The following ZNF385D variants were observed in gnomAD, a reference collection of about 807,000 sequenced individuals.
The protein encoded by ZNF385D is zinc finger protein 659.
A neutral mutation model predicts 35.8 loss-of-function variants in ZNF385D; 15 were observed. The observed-to-expected ratio is 0.42, with a 90% CI of 0.28 to 0.64. The LOEUF (loss-of-function observed/expected upper bound fraction) is 0.64, where lower values mean the gene tolerates loss of function less well. Among genes scored for constraint, ZNF385D ranks in the 30% least tolerant of loss-of-function variants. The pLI is 0.23. For synonymous variants in ZNF385D, 212 were observed against 186.8 expected, an observed-to-expected ratio of 1.13 and a Z score of -1.10; for missense variants, 474 against 494.6, an observed-to-expected ratio of 0.96 and a Z score of 0.39.
chr3:21,503,919 T>C lies in ZNF385D; in HGVS notation c.439+6942A>G, dbSNP rs186423169. 2.0e-5 allele frequency among the ~76,000 whole-genome samples: 3 copies of C among 152,288 alleles called. No individual in the cohort carries two copies. In the East Asian group the frequency reaches 5.8e-4, roughly 29 times the overall value. ...ACATTCAAAAGTATTTTACTTTTGG[T>C]ACCTTTAAGTCTGATGAGTACAACA... On this transcript the variant is annotated intron_variant, in intron 4 of 7. Transcript: ENST00000281523.
intron 3 of ZNF385D, among the ~76,000 whole-genome samples, chr3:22,016,555 G>A (rs2125446853): frequency 6.6e-6 from 1 of 152,160 alleles, no homozygotes; most frequent in Admixed American, 6.6e-5. Flanking sequence ...AAAATTCAAA[G>A]GGGAGAGTAT....
intron 3 of ZNF385D, among the ~76,000 whole-genome samples, chr3:22,108,774 A>C (rs1702357844): frequency 6.6e-6 from 1 of 152,182 alleles, no homozygotes; most frequent in African/African-American, 2.4e-5. Context: ...GCACTCTGGG[A>C]GGCTGAGATG....
At chr3:22,204,310 G>C (rs1379220538) in intron 2 of ZNF385D, among the ~76,000 whole-genome samples, 1 of 152,006 alleles carries the variant, frequency 6.6e-6, no homozygotes, top group Non-Finnish European at 1.5e-5. Flanking sequence ...ACCTAATGCA[G>C]ATAACAGCTG....
chr3:21,588,642 A>G (rs1341082669), intron 2 of ZNF385D, among the ~76,000 whole-genome samples: 1 of 152,190 alleles, frequency 6.6e-6, no homozygotes, highest in African/African-American at 2.4e-5. Flanking sequence ...AAATTTATAG[A>G]GTAAATGCCA....
At chr3:21,782,376 T>TTA (rs1423362520) in intron 3 of ZNF385D, among the ~76,000 whole-genome samples, 1 of 152,124 alleles carries the variant, frequency 6.6e-6, no homozygotes, top group Non-Finnish European at 1.5e-5. Context: ...AGAGTTTAAA[T>TTA]ATTTCTTTTA....
chr3:21,558,111 ATTT>A (rs57100355), intron 3 of ZNF385D, among the ~76,000 whole-genome samples: 9 of 126,130 alleles, frequency 7.1e-5, no homozygotes, highest in African/African-American at 2.4e-4. Flanking sequence ...GGATTCATTG[ATTT>A]TTTTTTTTTT....
intron 3 of ZNF385D, among the ~76,000 whole-genome samples, chr3:21,563,904 A>G (rs930121716): frequency 6.6e-6 from 1 of 152,102 alleles, no homozygotes; most frequent in Non-Finnish European, 1.5e-5. Flanking sequence ...TATCACTGTG[A>G]TGGATCCAGA....
At chr3:21,900,100 G>C (rs1177547971) in intron 3 of ZNF385D, among the ~76,000 whole-genome samples, 2 of 152,062 alleles carry the variant, frequency 1.3e-5, no homozygotes, top group Non-Finnish European at 2.9e-5. Context: ...AACACAAATT[G>C]CTAGTGAGAA....
intron 3 of ZNF385D, among the ~76,000 whole-genome samples, chr3:22,148,760 A>T (rs1211419875): frequency 1.3e-5 from 2 of 152,170 alleles, no homozygotes; most frequent in Non-Finnish European, 2.9e-5. Context: ...GACTATCTCC[A>T]AAGTTAGGTA....
chr3:21,566,381 T>G (rs2063148105), intron 2 of ZNF385D, among the ~76,000 whole-genome samples: 1 of 152,240 alleles, frequency 6.6e-6, no homozygotes, highest in South Asian at 2.1e-4. Context: ...TCCCAGCACT[T>G]TGGGAAGGCC....
intron 3 of ZNF385D, among the ~76,000 whole-genome samples, chr3:22,115,916 T>C (rs1296949402): frequency 2.6e-5 from 4 of 152,054 alleles, no homozygotes; most frequent in African/African-American, 4.8e-5. Context: ...AGCGAGCTGA[T>C]GCCTATACCA....
At chr3:21,794,072 T>TA (rs1286203608) in intron 3 of ZNF385D, among the ~76,000 whole-genome samples, 4 of 152,210 alleles carry the variant, frequency 2.6e-5, no homozygotes, top group African/African-American at 9.6e-5. Flanking sequence ...ACCAGGGATG[T>TA]AAAAAACTAC....
At chr3:21,804,682 C>A (rs1178702912) in intron 3 of ZNF385D, among the ~76,000 whole-genome samples, 4 of 152,114 alleles carry the variant, frequency 2.6e-5, no homozygotes, top group African/African-American at 9.7e-5. Flanking sequence ...TCCTCAGATT[C>A]TGTATTATTT....
At chr3:22,346,267 A>C (rs1695655440) in intron 2 of ZNF385D, among the ~76,000 whole-genome samples, 1 of 152,180 alleles carries the variant, frequency 6.6e-6, no homozygotes, top group African/African-American at 2.4e-5. Flanking sequence ...TCCTCAAAGA[A>C]ATATTCATTT....
At chr3:21,905,131 A>T (rs1379662367) in intron 3 of ZNF385D, among the ~76,000 whole-genome samples, 1 of 145,554 alleles carries the variant, frequency 6.9e-6, no homozygotes, top group Non-Finnish European at 1.5e-5. Context: ...AGAATCTTGG[A>T]TATTTACAAG....
At chr3:22,085,484 G>C (rs1255703576) in intron 3 of ZNF385D, among the ~76,000 whole-genome samples, 2 of 152,144 alleles carry the variant, frequency 1.3e-5, no homozygotes, top group Admixed American at 6.5e-5. Context: ...AGAAGAAATG[G>C]ATAAATTCCT....
chr3:22,008,791 CCAAA>C (rs1357673200), intron 3 of ZNF385D, among the ~76,000 whole-genome samples: 2 of 152,162 alleles, frequency 1.3e-5, no homozygotes, highest in South Asian at 2.1e-4. Flanking sequence ...ATGTATAGAA[CCAAA>C]CAATTATAAA....
chr3:21,615,679 G>T (rs371873576), intron 2 of ZNF385D, among the ~76,000 whole-genome samples: 4 of 151,366 alleles, frequency 2.6e-5, no homozygotes, highest in African/African-American at 9.7e-5. Context: ...TGCTTTATTT[G>T]TCATTTTCTA....
chr3:22,041,725 C>T (rs1698673760), intron 3 of ZNF385D, among the ~76,000 whole-genome samples: 4 of 151,874 alleles, frequency 2.6e-5, no homozygotes, highest in Admixed American at 6.6e-5. Flanking sequence ...GTTTTAGGTG[C>T]TAGAAACTAC....
Sources: allele counts gnomAD v4.1 joint callset (sites outside exome capture counted in the v4.1 genomes callset), GRCh38; gene constraint gnomAD v4.1.1; transcripts MANE v1.5; gene names NCBI Gene and HGNC (gene_info 2026-07-23, HGNC 2026-07-21).